Variants in RAPGEF5 observed in about 807,000 individuals in gnomAD.
RAPGEF5 encodes the protein M-Ras-regulated GEF.
In RAPGEF5, 65 loss-of-function variants were observed where a neutral mutation model predicts 125.2. That is an observed-to-expected ratio of 0.52 (90% CI 0.43 to 0.64). The LOEUF (loss-of-function observed/expected upper bound fraction) is 0.64, where lower values mean the gene tolerates loss of function less well. Ranked by LOEUF, RAPGEF5 falls within the 30% of genes least tolerant of loss-of-function variation. The pLI, the probability that RAPGEF5 is intolerant of heterozygous loss-of-function variation, is 0.00. For synonymous variants in RAPGEF5, 391 were observed against 385.9 expected (o/e 1.01, Z -0.16); for missense variants, 958 against 1,048.1 (o/e 0.91, Z 1.19).
intron 11 of RAPGEF5, among the ~76,000 whole-genome samples, chr7:22,178,497 C>A (rs1040072699): frequency 6.6e-6 from 1 of 152,200 alleles, no homozygotes; most frequent in Non-Finnish European, 1.5e-5. Flanking sequence ...AGGGTTCTCA[C>A]AACCACCCTC....
intron 2 of RAPGEF5, 67 bp from the exon 3 acceptor site, chr7:22,315,543 C>A: frequency 2.6e-6 from 2 of 772,002 alleles, no homozygotes; most frequent in Non-Finnish European, 1.6e-6. Flanking sequence ...CTACCAATAG[C>A]ATACTATATA....
intron 17 of RAPGEF5, among the ~76,000 whole-genome samples, chr7:22,152,106 T>C (rs4288272): frequency 0.21 from 31,822 of 152,196 alleles, 4,293 homozygotes; most frequent in African/African-American, 0.38. Context: ...CAATATTCCA[T>C]ATGCCTTTTC....
At chr7:22,255,793 T>A (rs1490633592) in intron 7 of RAPGEF5, among the ~76,000 whole-genome samples, 2 of 152,226 alleles carry the variant, frequency 1.3e-5, no homozygotes, top group Admixed American at 6.5e-5. Flanking sequence ...TTCAATTCAT[T>A]CCTTTCAATT....
chr7:22,207,588 A>G (rs1222018181), intron 9 of RAPGEF5, among the ~76,000 whole-genome samples: 5 of 152,204 alleles, frequency 3.3e-5, no homozygotes, highest in African/African-American at 1.2e-4. Context: ...ACAACTTTAA[A>G]CAACAAAAAT....
At chr7:22,246,012 C>T (rs1184498759) in intron 7 of RAPGEF5, among the ~76,000 whole-genome samples, 2 of 151,920 alleles carry the variant, frequency 1.3e-5, no homozygotes, top group Admixed American at 6.6e-5. Context: ...CCTAGGAATA[C>T]ATCTAACTAG....
At chr7:22,231,316 T>A (rs1226433955) in intron 7 of RAPGEF5, among the ~76,000 whole-genome samples, 1 of 152,156 alleles carries the variant, frequency 6.6e-6, no homozygotes, top group South Asian at 2.1e-4. Context: ...TGTCATATAA[T>A]AAAGGAAGCA....
chr7:22,175,986 T>C (rs1784492370), intron 11 of RAPGEF5, among the ~76,000 whole-genome samples: 1 of 152,128 alleles, frequency 6.6e-6, no homozygotes, highest in African/African-American at 2.4e-5. Flanking sequence ...TACGTTCTCA[T>C]GCTGCTAATA....
At chr7:22,169,215 C>T (rs1358212807) in intron 11 of RAPGEF5, among the ~76,000 whole-genome samples, 1 of 152,208 alleles carries the variant, frequency 6.6e-6, no homozygotes, top group African/African-American at 2.4e-5. Flanking sequence ...CCAGGGGCCC[C>T]CTACTAGAGT....
At chr7:22,338,279 C>T (rs1015888012) in intron 1 of RAPGEF5, among the ~76,000 whole-genome samples, 1 of 152,208 alleles carries the variant, frequency 6.6e-6, no homozygotes, top group Non-Finnish European at 1.5e-5. Context: ...TAATGTAGCT[C>T]TAACTCTGGT....
At chr7:22,310,117 T>C in intron 3 of RAPGEF5, 27 bp from the exon 4 acceptor site, 5 of 1,501,516 alleles carry the variant, frequency 3.3e-6, no homozygotes, top group Non-Finnish European at 3.5e-6. Context: ...CCATTCACAG[T>C]AAGATATTGC....
At chr7:22,138,388 T>G (rs1783147700) in intron 21 of RAPGEF5, among the ~76,000 whole-genome samples, 1 of 152,208 alleles carries the variant, frequency 6.6e-6, no homozygotes, top group South Asian at 2.1e-4. Flanking sequence ...CTGCACAACC[T>G]AAACATTTTT....
intron 11 of RAPGEF5, among the ~76,000 whole-genome samples, chr7:22,168,221 T>C (rs1784234040): frequency 6.6e-6 from 1 of 152,184 alleles, no homozygotes; most frequent in Non-Finnish European, 1.5e-5. Context: ...TAATTAGGAT[T>C]GGATAAGGCC....
At chr7:22,340,195 T>C (rs1322691225) in intron 1 of RAPGEF5, among the ~76,000 whole-genome samples, 1 of 152,096 alleles carries the variant, frequency 6.6e-6, no homozygotes. Context: ...AGGAGTGCTG[T>C]GCTGGGAAAC....
intron 9 of RAPGEF5, among the ~76,000 whole-genome samples, chr7:22,206,825 A>G (rs1221846961): frequency 6.6e-6 from 1 of 152,156 alleles, no homozygotes; most frequent in Non-Finnish European, 1.5e-5. Context: ...ATTTCCACTC[A>G]TGTGTATAAA....
intron 7 of RAPGEF5, among the ~76,000 whole-genome samples, chr7:22,246,118 G>A (rs1454245466): frequency 6.6e-6 from 1 of 152,044 alleles, no homozygotes; most frequent in African/African-American, 2.4e-5. Flanking sequence ...ACATGGATTG[G>A]AAGAATGAAT....
At chr7:22,317,381 C>T (rs1160040629) in intron 2 of RAPGEF5, among the ~76,000 whole-genome samples, 7 of 151,856 alleles carry the variant, frequency 4.6e-5, no homozygotes, top group Non-Finnish European at 2.9e-5. Context: ...GCTGGGACTA[C>T]AGGTGCCCAC....
At chr7:22,267,158 C>A in intron 6 of RAPGEF5, 146 bp from the exon 7 acceptor site, 1 of 699,384 alleles carries the variant, frequency 1.4e-6, no homozygotes, top group Non-Finnish European at 2.3e-6. Flanking sequence ...TTGATTTTTG[C>A]TTGTTTTTAG....
intron 7 of RAPGEF5, among the ~76,000 whole-genome samples, chr7:22,233,895 A>T (rs926674392): frequency 1.3e-5 from 2 of 152,196 alleles, no homozygotes; most frequent in Non-Finnish European, 2.9e-5. Context: ...TTACGCCAAA[A>T]CTAACAGGGT....
At chr7:22,350,422 T>TG (rs2128389255) in intron 1 of RAPGEF5, among the ~76,000 whole-genome samples, 1 of 152,380 alleles carries the variant, frequency 6.6e-6, no homozygotes, top group Non-Finnish European at 1.5e-5. Context: ...TCTATAAATA[T>TG]GTCCATGAAA....
Sources: gnomAD v4.1 joint callset for allele counts (sites outside exome capture counted in the v4.1 genomes callset) on GRCh38, gnomAD v4.1.1 for gene constraint, MANE v1.5 for transcripts, NCBI Gene and HGNC (gene_info 2026-07-23, HGNC 2026-07-21) for gene names.